The following SLC35B4 variants were observed in gnomAD, a reference collection of about 807,000 sequenced individuals.
The protein encoded by SLC35B4 is nucleotide sugar transporter SLC35B4.
A neutral mutation model predicts 39.5 loss-of-function variants in SLC35B4; 28 were observed. That is an observed-to-expected ratio of 0.71 (90% CI 0.53 to 0.97). The LOEUF (loss-of-function observed/expected upper bound fraction) is 0.97, where lower values mean the gene tolerates loss of function less well. SLC35B4 is among the 50% of genes least tolerant of loss of function. The pLI is 0.00. For synonymous variants in SLC35B4, 145 were observed against 150.4 expected, an observed-to-expected ratio of 0.96 and a Z score of 0.26; for missense variants, 334 against 414.3, an observed-to-expected ratio of 0.81 and a Z score of 1.68.
intron 4 of SLC35B4, among the ~76,000 whole-genome samples, chr7:134,302,622 A>G (rs2244700): frequency 0.46 from 69,634 of 151,960 alleles, 16,202 homozygotes; most frequent in Admixed American, 0.54. Context: ...ATGACTTAAC[A>G]TTGTTTTAAA....
rs1427003212 is a variant in SLC35B4 at position 134,292,592 on chromosome 7, A to T, written c.*2241T>A. 6.6e-6 allele frequency: 1 copy of T among 152,204 alleles called. No individual in the cohort carries two copies. 9.4% of individuals were successfully genotyped at this position (152,204 alleles called of 1,614,324 possible). On this transcript the variant is annotated 3_prime_UTR_variant, in exon 10 of 10. Transcript: ENST00000378509. ...TTTTCATCAACATAAAATGGGTGAC[A>T]TTATGTATGTGAGGCTGCATCCTAT...
In SLC35B4 at chr7:134,294,877, C is replaced by G. The variant is rs1223210640; in HGVS notation, c.952G>C (p.Gly318Arg). Residue 318 changes from glycine (G) to arginine (R), a missense_variant, in exon 10 of 10, where the codon GGG becomes CGG. Transcript: ENST00000378509. The part of the protein sequence containing the change: ...LMYTEVWNNL[G>R]TTKSEPQKDS... ...TTCTGAGGCTCACTTTTTGTGGTCC[C>G]TAGGTTGTTCCACACCTCTGTGTAC... 7 of 1,613,970 alleles carry G rather than the reference C, an allele frequency of 4.3e-6. No individual in the cohort carries two copies. In the African/African-American group the frequency reaches 9.3e-5, roughly 22 times the overall value.
chr7:134,300,404 T>C, intron 6 of SLC35B4, 143 bp from the exon 7 acceptor site: 1 of 556,296 alleles, frequency 1.8e-6, no homozygotes, highest in Non-Finnish European at 3.1e-6. Flanking sequence ...GAAATAAAAA[T>C]ACATTATTAC....
chr7:134,319,127 G>T (rs776128114), upstream of SLC35B4, among the ~76,000 whole-genome samples: 12 of 152,156 alleles, frequency 7.9e-5, no homozygotes, highest in Non-Finnish European at 1.6e-4. Context: ...CCAAAATCAT[G>T]CTCAAAGAAA....
chr7:134,297,580 C>A (rs1176467600), intron 8 of SLC35B4, among the ~76,000 whole-genome samples: 1 of 151,400 alleles, frequency 6.6e-6, no homozygotes, highest in Non-Finnish European at 1.5e-5. Context: ...ATAAAAAAAA[C>A]TCAGAAAAAA....
chr7:134,314,104 T>C (rs1803915224), intron 1 of SLC35B4, among the ~76,000 whole-genome samples: 1 of 152,164 alleles, frequency 6.6e-6, no homozygotes, highest in Non-Finnish European at 1.5e-5. Context: ...CTATAATGCA[T>C]GAAAATATTT....
chr7:134,300,125 C>T (rs764750076), intron 7 of SLC35B4, 27 bp downstream of exon 7: 6 of 1,469,124 alleles, frequency 4.1e-6, no homozygotes, highest in East Asian at 4.5e-5. Flanking sequence ...GGAATTTTCA[C>T]GTTCCCAGGT....
chr7:134,316,764 G>GT lies in SLC35B4; in HGVS notation c.-14dup. ...AGGCCGGGCGCATGGCCGGTGCAGG[G>GT]TTGGGGAAGCAAGCGCACAGAGTAA... is the stretch of plus-strand genomic sequence containing the variant. On this transcript the variant is annotated 5_prime_UTR_variant, in exon 1 of 10. Coordinates refer to ENST00000378509, the MANE Select transcript of SLC35B4 (RefSeq NM_032826.5). The GT allele has an allele frequency of 6.5e-7, 1 of 1,546,120 alleles. No homozygotes were observed. Among genetic ancestry groups the GT allele is most frequent in the Non-Finnish European group, 8.7e-7 (1 of 1,146,640 alleles).
Position 134,298,665 on chromosome 7 carries a change from TAC to T in SLC35B4, c.673+856_673+857del, listed in dbSNP as rs371629293. On this transcript the variant is annotated intron_variant, in intron 8 of 9. Transcript: ENST00000378509. ...AGTAATTCAGAGCCTTACAAACTCT[TAC>T]ACACTACCTTCACATTTTTTGGGGG... is the stretch of plus-strand genomic sequence containing the variant. Among the ~76,000 whole-genome samples the T allele has an allele frequency of 5.1e-4, 77 of 152,344 alleles. No homozygotes were observed. In the East Asian group the frequency reaches 6.8e-3, roughly 13 times the overall value.
At chr7:134,317,648 A>G (rs984490855), upstream of SLC35B4, among the ~76,000 whole-genome samples, 2 of 152,346 alleles carry the variant, frequency 1.3e-5, no homozygotes, top group Non-Finnish European at 2.9e-5. Flanking sequence ...TGCCAATATC[A>G]GCAATCAGAT....
chr7:134,316,680 C>T lies in SLC35B4; in HGVS notation c.72G>A (p.Leu24=). The T allele has an allele frequency of 6.4e-7, 1 of 1,550,394 alleles. No homozygotes were observed. Among genetic ancestry groups the T allele is most frequent in the Non-Finnish European group, 8.7e-7 (1 of 1,146,704 alleles). ...GGCCCGAGCGGGTCACTCACCGGGC[C>T]AGGAGCTCTAGGAAGATCACGTTAC... ...CCSNVIFLEL[L]ARKHPGCGNI... The change falls in exon 1 of 10, where the codon CTG becomes CTA. Residue 24 remains leucine, a synonymous_variant. Coordinates refer to ENST00000378509, the MANE Select transcript of SLC35B4 (RefSeq NM_032826.5).
chr7:134,306,875 T>C, intron 2 of SLC35B4, 101 bp from the exon 3 acceptor site: 1 of 848,284 alleles, frequency 1.2e-6, no homozygotes, highest in Non-Finnish European at 1.8e-6. Flanking sequence ...TTTTGCCTGT[T>C]TCCTCTGCGT....
chr7:134,296,010 G>A (rs1803457276), intron 9 of SLC35B4, among the ~76,000 whole-genome samples: 1 of 151,904 alleles, frequency 6.6e-6, no homozygotes, highest in Admixed American at 6.6e-5. Flanking sequence ...TTGTATTTTT[G>A]TAGAGAGGGG....
In SLC35B4 at chr7:134,292,575, A is replaced by G. The variant is rs1356950083; in HGVS notation, c.*2258T>C. 1 of 152,210 alleles carries G rather than the reference A, an allele frequency of 6.6e-6. No homozygotes were observed. The highest frequency in any genetic ancestry group is 6.5e-5 in the Admixed American group (1 of 15,282). 9.4% of individuals were successfully genotyped at this position (152,210 alleles called of 1,614,324 possible). A position where few individuals can be genotyped will look rare whatever the true frequency, so the allele number is the denominator to read the frequency against. On this transcript the variant is annotated 3_prime_UTR_variant, in exon 10 of 10. Coordinates refer to ENST00000378509, the MANE Select transcript of SLC35B4 (RefSeq NM_032826.5). ...GAAGAAAACTTGTAATGTTTTCATCAACATAAAATGGGTGACATTATGTAT... is the reference window on the plus strand; with the variant it reads ...GAAGAAAACTTGTAATGTTTTCATCGACATAAAATGGGTGACATTATGTAT...
rs1319324328 is a variant in SLC35B4, at chr7:134,290,682, T to C, written c.*4151A>G. 1 of 152,182 alleles carries C rather than the reference T, an allele frequency of 6.6e-6. No individual in the cohort carries two copies. Among genetic ancestry groups the C allele is most frequent in the Non-Finnish European group, 1.5e-5 (1 of 68,024 alleles). The allele number at this position is 152,182 out of a possible 1,614,324, so 9.4% of individuals were successfully genotyped here. A position where few individuals can be genotyped will look rare whatever the true frequency, so the allele number is the denominator to read the frequency against. On this transcript the variant is annotated 3_prime_UTR_variant, in exon 10 of 10. Transcript: ENST00000378509. ...CATTTTCAAATGTCACACCAATCAA[T>C]AATAATAAGGAATGGATTTTATCTA...
intron 3 of SLC35B4, 94 bp from the exon 4 acceptor site, chr7:134,304,948 A>C (rs1803672386): frequency 1.1e-6 from 1 of 921,682 alleles, no homozygotes; most frequent in African/African-American, 1.7e-5. Context: ...AGGGGAAAAA[A>C]CATGGAATGA....
chr7:134,309,685 C>T (rs1301773919), intron 1 of SLC35B4, among the ~76,000 whole-genome samples: 2 of 152,216 alleles, frequency 1.3e-5, no homozygotes, highest in East Asian at 3.8e-4. Context: ...TTATTTAACT[C>T]TTCCTTGCGT....
Position 134,293,628 on chromosome 7 carries a change from GA to G in SLC35B4, c.*1204del, listed in dbSNP as rs1188914736. The stretch of plus-strand genomic sequence containing the variant: ...GGGCAGAGGGGAATCTCCTGGTGGT[GA>G]AGCCTTATCCTCCCACTTGAGACCC... On this transcript the variant is annotated 3_prime_UTR_variant, in exon 10 of 10. Transcript: ENST00000378509. 6.6e-6 allele frequency: 1 copy of G among 152,148 alleles called. No homozygotes were observed. The highest frequency in any genetic ancestry group is 1.5e-5 in the Non-Finnish European group (1 of 68,058). 9.4% of individuals were successfully genotyped at this position (152,148 alleles called of 1,614,324 possible).
upstream of SLC35B4, chr7:134,317,062 C>T (rs1804004955): frequency 2.8e-5 from 10 of 352,148 alleles, no homozygotes; most frequent in African/African-American, 2.1e-5. Flanking sequence ...CCAGGCAGCT[C>T]CGCCAGAGAG....
Sources: gnomAD v4.1 joint callset for allele counts (sites outside exome capture counted in the v4.1 genomes callset) on GRCh38, gnomAD v4.1.1 for gene constraint, MANE v1.5 for transcripts, NCBI Gene and HGNC (gene_info 2026-07-23, HGNC 2026-07-21) for gene names.